Variants in PRKN observed in about 807,000 individuals in gnomAD.
PRKN encodes parkin RBR E3 ubiquitin protein ligase, also known as E3 ubiquitin-protein ligase parkin.
In PRKN, 56 loss-of-function variants were observed where a neutral mutation model predicts 59.5. That is an observed-to-expected ratio of 0.94 (90% CI 0.76 to 1.18). The LOEUF (loss-of-function observed/expected upper bound fraction) is 1.18, where lower values mean the gene tolerates loss of function less well. Among genes scored for constraint, PRKN ranks in the 50% most tolerant of loss-of-function variants. PRKN has a pLI of 0.00. For synonymous variants in PRKN, 250 were observed against 222.1 expected (o/e 1.13, Z -1.12); for missense variants, 657 against 596.4 (o/e 1.10, Z -1.06).
At chr6:162,616,108 C>T (rs1346831093) in intron 1 of PRKN, among the ~76,000 whole-genome samples, 5 of 152,142 alleles carry the variant, frequency 3.3e-5, no homozygotes, top group Admixed American at 6.5e-5. Context: ...CCAAATGTAT[C>T]CTTCTCTCCT....
rs1043371193 is a variant in PRKN at position 161,566,689 on chromosome 6, G to A, written c.933+2666C>T. On this transcript the variant is annotated intron_variant, in intron 8 of 11. Transcript: ENST00000366898. The surrounding 1 kb of genome is among the most constrained non-coding windows in gnomAD (Gnocchi z 4.1). ...CCCAAAGATGTGGGATTACAGGTGT[G>A]AGCTGCCACGCCTGGCCTCCTCCCA... 1.3e-5 allele frequency among the ~76,000 whole-genome samples: 2 copies of A among 152,152 alleles called. No homozygotes were observed. Among genetic ancestry groups the A allele is most frequent in the Admixed American group, 6.5e-5 (1 of 15,278 alleles).
intron 3 of PRKN, among the ~76,000 whole-genome samples, chr6:162,256,282 T>C (rs535839066): frequency 1.9e-4 from 29 of 152,294 alleles, no homozygotes; most frequent in Middle Eastern, 3.4e-3. Flanking sequence ...CTTACATAAG[T>C]AGACCATAAA....
intron 4 of PRKN, among the ~76,000 whole-genome samples, chr6:162,122,253 C>T (rs1194777929): frequency 1.3e-5 from 2 of 152,138 alleles, no homozygotes; most frequent in African/African-American, 2.4e-5. Flanking sequence ...AACCTCCTCT[C>T]GCCAAGGCTG....
intron 1 of PRKN, among the ~76,000 whole-genome samples, chr6:162,542,112 A>G (rs1778950822): frequency 2.0e-5 from 3 of 152,182 alleles, no homozygotes; most frequent in Non-Finnish European, 4.4e-5. Context: ...TTCAGATGAC[A>G]GGGATTACAG....
intron 7 of PRKN, among the ~76,000 whole-genome samples, chr6:161,754,416 T>C (rs1788824174): frequency 6.6e-6 from 1 of 151,772 alleles, no homozygotes; most frequent in African/African-American, 2.4e-5. Flanking sequence ...ACGCGGGGCA[T>C]CCAGGGAAGT....
chr6:161,954,154 T>C (rs1780086214), intron 6 of PRKN, among the ~76,000 whole-genome samples: 1 of 152,178 alleles, frequency 6.6e-6, no homozygotes, highest in Non-Finnish European at 1.5e-5. Context: ...ACTTGGTTGA[T>C]AGGAATCTCA....
chr6:162,293,021 A>T (rs142911923), intron 2 of PRKN, among the ~76,000 whole-genome samples: 5 of 152,308 alleles, frequency 3.3e-5, no homozygotes, highest in African/African-American at 1.2e-4. Context: ...CTTTCTGAGA[A>T]TAACAGTATT....
At chr6:161,710,046 A>G (rs546038379) in intron 7 of PRKN, among the ~76,000 whole-genome samples, 5 of 152,236 alleles carry the variant, frequency 3.3e-5, no homozygotes, top group African/African-American at 1.2e-4. Flanking sequence ...ATTAAGTGTA[A>G]CTCAGCTCAG....
At chr6:161,659,991 A>C (rs1036331638) in intron 7 of PRKN, among the ~76,000 whole-genome samples, 3 of 152,150 alleles carry the variant, frequency 2.0e-5, no homozygotes, top group African/African-American at 7.2e-5. Context: ...GAGTTGCTGC[A>C]ACAATTAAAT....
intron 2 of PRKN, among the ~76,000 whole-genome samples, chr6:162,286,802 T>C (rs989625783): frequency 3.3e-5 from 5 of 152,190 alleles, no homozygotes; most frequent in Non-Finnish European, 7.3e-5. Context: ...CTCCAAACTT[T>C]AATTTCATAA....
intron 1 of PRKN, among the ~76,000 whole-genome samples, chr6:162,579,462 T>C (rs2128210798): frequency 6.6e-6 from 1 of 151,340 alleles, no homozygotes; most frequent in South Asian, 2.1e-4. Flanking sequence ...ACACACCCAC[T>C]TTCACACACA....
At chr6:161,741,118 C>T (rs1358641738) in intron 7 of PRKN, among the ~76,000 whole-genome samples, 1 of 152,224 alleles carries the variant, frequency 6.6e-6, no homozygotes, top group Non-Finnish European at 1.5e-5. Flanking sequence ...CTCCTGGGTT[C>T]ACGCTGAGTC....
intron 6 of PRKN, among the ~76,000 whole-genome samples, chr6:161,871,414 C>T (rs1794337488): frequency 6.6e-6 from 1 of 152,120 alleles, no homozygotes; most frequent in African/African-American, 2.4e-5. Context: ...ACTTGTGTTA[C>T]TATTGCCTCA....
chr6:161,539,331 C>T (rs1311997705), intron 9 of PRKN, among the ~76,000 whole-genome samples: 1 of 146,334 alleles, frequency 6.8e-6, no homozygotes, highest in Non-Finnish European at 1.5e-5. Flanking sequence ...TAAAAAATGA[C>T]ATTCAGCTAC....
chr6:162,239,298 A>G lies in PRKN; in HGVS notation c.412+23227T>C, dbSNP rs936790299. Among the ~76,000 whole-genome samples, 9 of 152,190 alleles carry G rather than the reference A, an allele frequency of 5.9e-5. No individual in the cohort carries two copies. In the Middle Eastern group the frequency reaches 0.014, roughly 230 times the overall value. ...CCAGATTTTATTTTCTATTTTATCT[A>G]TATTTTTCCTGGCTCTAATTTGTTT... On this transcript the variant is annotated intron_variant, in intron 3 of 11. Coordinates refer to ENST00000366898, the MANE Select transcript of PRKN (RefSeq NM_004562.3).
intron 5 of PRKN, among the ~76,000 whole-genome samples, chr6:162,010,156 G>A (rs1158653484): frequency 2.1e-5 from 3 of 145,336 alleles, no homozygotes; most frequent in Non-Finnish European, 4.5e-5. Context: ...GTTAGCACAG[G>A]GAGACCCCTC....
chr6:162,135,324 A>G (rs1270542795), intron 4 of PRKN, among the ~76,000 whole-genome samples: 2 of 152,162 alleles, frequency 1.3e-5, no homozygotes, highest in Non-Finnish European at 2.9e-5. Context: ...TTAAAGGCAC[A>G]GAAAACATTT....
intron 1 of PRKN, among the ~76,000 whole-genome samples, chr6:162,717,588 C>G (rs1326851747): frequency 2.2e-5 from 3 of 137,128 alleles, no homozygotes; most frequent in East Asian, 2.1e-4. Context: ...AAAAAAAAGT[C>G]ATTTTGGACT....
Position 161,717,125 on chromosome 6 carries a change from T to C in PRKN, c.871+68647A>G, listed in dbSNP as rs142036263. On this transcript the variant is annotated intron_variant, in intron 7 of 11. Transcript: ENST00000366898. ...AAACACACAGGATGTGTTAGTCCAT[T>C]TGTGGTCCTGTAACAGGCTAACTGA... Among the ~76,000 whole-genome samples, 173 of 152,312 alleles carry C rather than the reference T, an allele frequency of 1.1e-3. 1 individual carries two copies. The highest frequency in any genetic ancestry group is 4.0e-3 in the African/African-American group (168 of 41,564).
Sources: allele counts gnomAD v4.1 joint callset (sites outside exome capture counted in the v4.1 genomes callset), GRCh38; gene constraint gnomAD v4.1.1; non-coding constraint Gnocchi (gnomAD v3.1); transcripts MANE v1.5; gene names NCBI Gene and HGNC (gene_info 2026-07-23, HGNC 2026-07-21).